The following PGM2 variants were observed in gnomAD, a reference collection of about 807,000 sequenced individuals.
PGM2 encodes the protein phosphopentomutase.
A neutral mutation model predicts 74.6 loss-of-function variants in PGM2; 57 were observed. The observed-to-expected ratio is 0.76, with a 90% CI of 0.62 to 0.95. The LOEUF is 0.95. PGM2 is among the 40% of genes least tolerant of loss of function. The probability of loss-of-function intolerance (pLI) is 0.00; values close to 1 mark genes in which losing one functional copy is unlikely to be tolerated. For synonymous variants in PGM2, 273 were observed against 260.7 expected (o/e 1.05, Z -0.46); for missense variants, 706 against 741.9 (o/e 0.95, Z 0.56).
rs2152183444 is a variant in PGM2 at position 37,862,015 on chromosome 4, G to A, written c.*403G>A. 6.3e-6 allele frequency: 1 copy of A among 158,444 alleles called. No individual in the cohort carries two copies. The highest frequency in any genetic ancestry group is 1.8e-4 in the South Asian group (1 of 5,446). 9.8% of individuals were successfully genotyped at this position (158,444 alleles called of 1,614,324 possible). A position where few individuals can be genotyped will look rare whatever the true frequency, so the allele number is the denominator to read the frequency against. ...GTAAATTCTGGGCTGTCATATGTAG[G>A]ATAGCCACTTTTTAGGTATATGTAC... On this transcript the variant is annotated 3_prime_UTR_variant, in exon 14 of 14. Transcript: ENST00000381967.
chr4:37,839,807 TCG>T, intron 4 of PGM2, 39 bp from the exon 5 acceptor site: 1 of 1,134,070 alleles, frequency 8.8e-7, no homozygotes, highest in Non-Finnish European at 1.3e-6. Flanking sequence ...CTGGTTATTT[TCG>T]TTAAAAACTG....
In PGM2 at chr4:37,834,684, G is replaced by C. The variant is rs1230756800; in HGVS notation, c.316G>C (p.Asp106His). ...LKQKGIVISF[D>H]ARAHPSSGGS... ...GCAGAAAGGCATCGTGATCAGTTTTGACGCCCGAGCTCATCCATCCAGTGG... is the reference window on the plus strand; with the variant it reads ...GCAGAAAGGCATCGTGATCAGTTTTCACGCCCGAGCTCATCCATCCAGTGG... Residue 106 changes from aspartate to histidine, a missense_variant, in exon 3 of 14, where the codon GAC becomes CAC. Physicochemically the swap from Asp to His is moderately conservative, Grantham distance 81. Around this residue, in one of 3 missense-constraint regions of PGM2, gnomAD observed 332 missense variants for 334.9 expected, o/e 0.99. Coordinates refer to ENST00000381967, the MANE Select transcript of PGM2 (RefSeq NM_018290.4). 1.3e-6 allele frequency: 2 copies of C among 1,599,116 alleles called. No individual in the cohort carries two copies. Among genetic ancestry groups the C allele is most frequent in the South Asian group, 2.2e-5 (2 of 90,360 alleles).
chr4:37,854,099 G>C (rs1394729970), intron 12 of PGM2, among the ~76,000 whole-genome samples: 1 of 152,088 alleles, frequency 6.6e-6, no homozygotes, highest in Admixed American at 6.5e-5. Context: ...TTCATTCTCT[G>C]GGTCCCACCA....
In PGM2 at chr4:37,847,158, A is replaced by C. The variant is rs371051463; in HGVS notation, c.1189-44A>C. The C allele has an allele frequency of 1.1e-5, 18 of 1,597,126 alleles. No individual in the cohort carries two copies. In the African/African-American group the frequency reaches 1.5e-4, roughly 13 times the overall value. ...CTCATTTTCCTTTCATCTGCTCTGT[A>C]GAAGATCTAAGGCATGTCTTTCTCT... On this transcript the variant is annotated intron_variant, in intron 9 of 13. Coordinates refer to ENST00000381967, the MANE Select transcript of PGM2 (RefSeq NM_018290.4).
At chr4:37,852,231 A>ACTGGGATT (rs1726066014) in intron 12 of PGM2, among the ~76,000 whole-genome samples, 1 of 141,130 alleles carries the variant, frequency 7.1e-6, no homozygotes, top group Non-Finnish European at 1.5e-5. Flanking sequence ...CTCCCAAAGT[A>ACTGGGATT]CTGGGATTAC....
intron 2 of PGM2, among the ~76,000 whole-genome samples, chr4:37,832,067 T>C (rs1725456369): frequency 6.6e-6 from 1 of 152,212 alleles, no homozygotes; most frequent in Non-Finnish European, 1.5e-5. Context: ...AGAATTCATC[T>C]CCTCTGGGGG....
chr4:37,834,748 G>T (rs1465535979), intron 3 of PGM2, 24 bp downstream of exon 3: 2 of 1,125,108 alleles, frequency 1.8e-6, no homozygotes, highest in Non-Finnish European at 2.6e-6. Flanking sequence ...TTTACAAAAT[G>T]ATGTTTTTAT....
chr4:37,830,389 A>T (rs1286844358), intron 2 of PGM2, among the ~76,000 whole-genome samples: 3 of 152,196 alleles, frequency 2.0e-5, no homozygotes, highest in African/African-American at 7.2e-5. Context: ...AGCACTGGGG[A>T]TATAAGAATG....
rs1726203271 is a variant in PGM2 at position 37,856,486 on chromosome 4, G to A, written c.1736+745G>A. On this transcript the variant is annotated intron_variant, in intron 13 of 13. Transcript: ENST00000381967. ...CAGGTCTGTGCTGGGTTCTGGAGGG[G>A]GCACAGAGAGCCTCATCAGAGAGAG... Among the ~76,000 whole-genome samples the A allele has an allele frequency of 2.0e-5, 3 of 152,116 alleles. 1 individual carries two copies. The South Asian group carries it at 6.2e-4, about 32-fold the overall frequency.
chr4:37,833,701 A>G (rs1050707924), intron 2 of PGM2, among the ~76,000 whole-genome samples: 2 of 152,274 alleles, frequency 1.3e-5, no homozygotes, highest in Non-Finnish European at 2.9e-5. Context: ...AACAACAAAA[A>G]TAATGCGTAA....
chr4:37,838,656 A>G (rs1330062102), intron 4 of PGM2, among the ~76,000 whole-genome samples: 2 of 151,786 alleles, frequency 1.3e-5, no homozygotes, highest in African/African-American at 2.4e-5. Flanking sequence ...ATAACCTGCT[A>G]GACACTCTAT....
intron 3 of PGM2, among the ~76,000 whole-genome samples, chr4:37,835,140 A>G (rs1351814272): frequency 6.6e-6 from 1 of 152,214 alleles, no homozygotes; most frequent in Admixed American, 6.5e-5. Context: ...GCTGATGGTG[A>G]CAATGATAAT....
chr4:37,845,718 A>C lies in PGM2; in HGVS notation c.995A>C (p.Glu332Ala). The C allele has an allele frequency of 1.9e-6, 3 of 1,606,396 alleles. No individual in the cohort carries two copies. Among genetic ancestry groups the C allele is most frequent in the Non-Finnish European group, 2.6e-6 (3 of 1,172,862 alleles). The change falls in exon 8 of 14, where the codon GAA becomes GCA. Residue 332 changes from glutamate (E) to alanine (A), a missense_variant. Coordinates refer to ENST00000381967, the MANE Select transcript of PGM2 (RefSeq NM_018290.4). ...GATGCTGATAGACTTGCTGTGGCAG[A>C]AAAGCAAGACAGGTAAAATTAATTG... is the stretch of plus-strand genomic sequence containing the variant. ...DPDADRLAVAEKQDSGEWRVF... is the reference protein window; with the variant it reads ...DPDADRLAVAAKQDSGEWRVF...
At chr4:37,835,173 G>A (rs1725537174) in intron 3 of PGM2, among the ~76,000 whole-genome samples, 1 of 152,172 alleles carries the variant, frequency 6.6e-6, no homozygotes, top group Non-Finnish European at 1.5e-5. Flanking sequence ...AATCATTTGA[G>A]TGCTGATTAT....
Position 37,861,639 on chromosome 4 carries a change from A to G in PGM2, c.*27A>G. 3.6e-6 allele frequency: 5 copies of G among 1,386,090 alleles called. No individual in the cohort carries two copies. The highest frequency in any genetic ancestry group is 5.1e-6 in the Non-Finnish European group (5 of 972,296). The allele number at this position is 1,386,090 out of a possible 1,614,324, so 85.9% of individuals were successfully genotyped here. A position where few individuals can be genotyped will look rare whatever the true frequency, so the allele number is the denominator to read the frequency against. On this transcript the variant is annotated 3_prime_UTR_variant, in exon 14 of 14. Coordinates refer to ENST00000381967, the MANE Select transcript of PGM2 (RefSeq NM_018290.4). ...ATAGTCCAGCCTTGGGTATACTTGC[A>G]TTTACCTACAATTAAGCTGGGTTTA...
chr4:37,855,610 T>A lies in PGM2; in HGVS notation c.1605T>A (p.Val535=). 6.2e-7 allele frequency: 1 copy of A among 1,613,514 alleles called. No individual in the cohort carries two copies. The highest frequency in any genetic ancestry group is 8.5e-7 in the Non-Finnish European group (1 of 1,179,710). Residue 535 remains valine (V), a splice_region_variant and synonymous_variant, in exon 13 of 14, where the codon GTT becomes GTA. Transcript: ENST00000381967. ...YDDSQPDKKA[V]LPTSKSSQMI... Reference sequence around the variant, plus strand: ...ATAATGTGTGCATTAATTCCTAGGTTCTTCCCACTAGTAAAAGCAGCCAAA... The same window carrying A: ...ATAATGTGTGCATTAATTCCTAGGTACTTCCCACTAGTAAAAGCAGCCAAA...
intron 3 of PGM2, among the ~76,000 whole-genome samples, chr4:37,836,334 T>G (rs576729548): frequency 6.6e-6 from 1 of 152,222 alleles, no homozygotes; most frequent in Non-Finnish European, 1.5e-5. Context: ...GAGATCATAA[T>G]GTAAGTGTTT....
At chr4:37,845,867 C>T in intron 8 of PGM2, 137 bp downstream of exon 8, 2 of 630,930 alleles carry the variant, frequency 3.2e-6, no homozygotes, top group Non-Finnish European at 5.7e-6. Context: ...CACTGAACCT[C>T]CTGTAGAGTC....
rs1711811961 is a variant in PGM2 at position 37,862,483 on chromosome 4, A to T, written c.*871A>T. Reference sequence around the variant, plus strand: ...TGTGTGGTCTGAAATCTAAAACTAGACTTTATTATGATAGATTTCCTATAA... The same window carrying T: ...TGTGTGGTCTGAAATCTAAAACTAGTCTTTATTATGATAGATTTCCTATAA... On this transcript the variant is annotated 3_prime_UTR_variant, in exon 14 of 14. Coordinates refer to ENST00000381967, the MANE Select transcript of PGM2 (RefSeq NM_018290.4). The T allele has an allele frequency of 6.6e-6, 1 of 152,110 alleles. No individual in the cohort carries two copies. The highest frequency in any genetic ancestry group is 2.4e-5 in the African/African-American group (1 of 41,440). The allele number at this position is 152,110 out of a possible 1,614,324, so 9.4% of individuals were successfully genotyped here.
Sources: allele counts gnomAD v4.1 joint callset (sites outside exome capture counted in the v4.1 genomes callset), GRCh38; gene constraint gnomAD v4.1.1; regional missense constraint gnomAD v4.1.1; transcripts MANE v1.5; gene names NCBI Gene and HGNC (gene_info 2026-07-23, HGNC 2026-07-21).